Variants in SYN3 observed in about 807,000 individuals in gnomAD.
SYN3 encodes synapsin III.
SYN3 carries 35 observed loss-of-function variants against 65.8 expected under a neutral mutation model. The observed-to-expected ratio is 0.53, with a 90% CI of 0.41 to 0.70. The LOEUF is 0.70. Among genes scored for constraint, SYN3 ranks in the 30% least tolerant of loss-of-function variants. The probability of loss-of-function intolerance (pLI) is 0.00; values close to 1 mark genes in which losing one functional copy is unlikely to be tolerated. For missense variants in SYN3, 680 were observed against 749.0 expected (o/e 0.91, Z 1.08); for synonymous variants, 270 against 292.9 (o/e 0.92, Z 0.80).
chr22:32,623,878 T>C (rs1158283267), intron 6 of SYN3, among the ~76,000 whole-genome samples: 1 of 152,136 alleles, frequency 6.6e-6, no homozygotes, highest in Non-Finnish European at 1.5e-5. Context: ...CCTCCCACCA[T>C]AAAAGAGGGT....
At chr22:32,631,282 C>T (rs761085229) in intron 6 of SYN3, among the ~76,000 whole-genome samples, 7 of 143,080 alleles carry the variant, frequency 4.9e-5, no homozygotes, top group African/African-American at 1.8e-4. Flanking sequence ...GTGACAAGAG[C>T]GAAACTCCAT....
intron 7 of SYN3, among the ~76,000 whole-genome samples, chr22:32,551,239 G>A (rs1046754512): frequency 3.9e-5 from 6 of 151,948 alleles, no homozygotes; most frequent in Non-Finnish European, 7.4e-5. Flanking sequence ...GATAATGTGT[G>A]GATCAGGCAG....
At chr22:32,660,280 C>T (rs1044958194) in intron 6 of SYN3, among the ~76,000 whole-genome samples, 5 of 152,346 alleles carry the variant, frequency 3.3e-5, no homozygotes, top group African/African-American at 1.2e-4. Flanking sequence ...GCTCCTTTTG[C>T]TCATCACCTG....
At position 33,020,570 on chromosome 22, in the gene SYN3, C is replaced by G. The variant is rs182927674; in HGVS notation, c.-162-13746G>C. Among the ~76,000 whole-genome samples the G allele has an allele frequency of 3.2e-4, 48 of 152,298 alleles. No homozygotes were observed. In the East Asian group the frequency reaches 5.4e-3, roughly 17 times the overall value. ...CTTTTTGCTCAGTCTTTAAGATTCA[C>G]TGAGGTGACTCTATTGATGATACTT... On this transcript the variant is annotated intron_variant, in intron 1 of 13. Transcript: ENST00000358763.
intron 6 of SYN3, among the ~76,000 whole-genome samples, chr22:32,688,655 A>AT (rs1229202742): frequency 1.9e-3 from 282 of 148,310 alleles, no homozygotes; most frequent in African/African-American, 5.3e-3. Flanking sequence ...TTTCAAAGAG[A>AT]TTTTTTTTTT....
intron 1 of SYN3, among the ~76,000 whole-genome samples, chr22:33,039,698 G>A (rs1016134809): frequency 6.6e-5 from 10 of 151,856 alleles, no homozygotes; most frequent in African/African-American, 2.4e-4. Context: ...GAGCCACCGC[G>A]CCTGGCCTCA....
At chr22:32,859,459 T>G in intron 6 of SYN3, 1 of 1,482,918 alleles carries the variant, frequency 6.7e-7, no homozygotes, top group Non-Finnish European at 9.1e-7. Flanking sequence ...ATGATGACAA[T>G]GAAATTAGTG....
intron 6 of SYN3, among the ~76,000 whole-genome samples, chr22:32,676,199 G>A (rs2060438883): frequency 6.6e-6 from 1 of 152,222 alleles, no homozygotes; most frequent in African/African-American, 2.4e-5. Context: ...TTCACAGTGT[G>A]TCCACTTGCA....
chr22:32,909,462 T>G (rs111418507), intron 4 of SYN3, among the ~76,000 whole-genome samples: 1 of 152,140 alleles, frequency 6.6e-6, no homozygotes, highest in African/African-American at 2.4e-5. Flanking sequence ...AATTCTTTAT[T>G]ACGATGATGG....
At chr22:32,576,748 A>G (rs2058856975) in intron 7 of SYN3, among the ~76,000 whole-genome samples, 1 of 151,502 alleles carries the variant, frequency 6.6e-6, no homozygotes, top group African/African-American at 2.4e-5. Flanking sequence ...ACAAACCCTT[A>G]TCATCTCTTC....
intron 2 of SYN3, among the ~76,000 whole-genome samples, chr22:32,983,287 T>C (rs1384871409): frequency 6.6e-6 from 1 of 152,230 alleles, no homozygotes; most frequent in Non-Finnish European, 1.5e-5. Context: ...ACATGATTTA[T>C]TTCTAATGGA....
At chr22:32,802,783 C>T (rs187741509) in intron 6 of SYN3, among the ~76,000 whole-genome samples, 1 of 152,140 alleles carries the variant, frequency 6.6e-6, no homozygotes, top group African/African-American at 2.4e-5. Flanking sequence ...GCAGAAGGTG[C>T]GAGGGGTCAC....
chr22:32,792,727 C>T (rs2046349426), intron 6 of SYN3, among the ~76,000 whole-genome samples: 1 of 152,212 alleles, frequency 6.6e-6, no homozygotes, highest in Non-Finnish European at 1.5e-5. Flanking sequence ...AGCTCTCTCC[C>T]TGGTCGTCAG....
Position 33,011,913 on chromosome 22 carries a change from T to C in SYN3, c.-162-5089A>G, listed in dbSNP as rs59471311. 7.4e-3 allele frequency among the ~76,000 whole-genome samples: 1,129 copies of C among 152,322 alleles called. 18 individuals are homozygous for C. The highest frequency in any genetic ancestry group is 0.026 in the African/African-American group (1,083 of 41,576). Reference sequence around the variant, plus strand: ...TGATTCCTCCTGATATTCCTGATATTGGTAATTTGCTTTTTCTCTCTTTTT... The same window carrying C: ...TGATTCCTCCTGATATTCCTGATATCGGTAATTTGCTTTTTCTCTCTTTTT... On this transcript the variant is annotated intron_variant, in intron 1 of 13. Coordinates refer to ENST00000358763, the MANE Select transcript of SYN3 (RefSeq NM_003490.4).
At chr22:32,700,258 A>T in intron 6 of SYN3, among the ~76,000 whole-genome samples, 1 of 152,198 alleles carries the variant, frequency 6.6e-6, no homozygotes, top group Non-Finnish European at 1.5e-5. Flanking sequence ...ACAGGCTTAA[A>T]GTATCCCTTG....
intron 6 of SYN3, among the ~76,000 whole-genome samples, chr22:32,775,311 C>T (rs1269256784): frequency 6.6e-6 from 1 of 152,084 alleles, no homozygotes; most frequent in African/African-American, 2.4e-5. Context: ...CCTTACAGGC[C>T]CTATCACTAA....
At chr22:32,755,965 A>G (rs1195358666) in intron 6 of SYN3, among the ~76,000 whole-genome samples, 1 of 151,540 alleles carries the variant, frequency 6.6e-6, no homozygotes, top group Non-Finnish European at 1.5e-5. Context: ...GCAAACTAAC[A>G]CAGGAACAGA....
In SYN3 at chr22:32,898,017, CAG is replaced by C. The variant is rs2049645931; in HGVS notation, c.462-28894_462-28893del. On this transcript the variant is annotated intron_variant, in intron 4 of 13. Transcript: ENST00000358763. ...TTTGTTTGTTTGTTTGTTTTTGAGACAGAGTTTCGCTCTTGTTGCCCAGGCTG... is the reference window on the plus strand; with the variant it reads ...TTTGTTTGTTTGTTTGTTTTTGAGACAGTTTCGCTCTTGTTGCCCAGGCTG... Among the ~76,000 whole-genome samples the C allele has an allele frequency of 2.0e-5, 3 of 151,844 alleles. No homozygotes were observed. In the South Asian group the frequency reaches 6.3e-4, roughly 32 times the overall value.
At chr22:32,644,579 G>A (rs571503988) in intron 6 of SYN3, among the ~76,000 whole-genome samples, 6 of 152,300 alleles carry the variant, frequency 3.9e-5, no homozygotes, top group South Asian at 2.1e-4. Flanking sequence ...ATGGACTGAC[G>A]CTCGCACATG....
Sources: gnomAD v4.1 joint callset for allele counts (sites outside exome capture counted in the v4.1 genomes callset) on GRCh38, gnomAD v4.1.1 for gene constraint, MANE v1.5 for transcripts, NCBI Gene and HGNC (gene_info 2026-07-23, HGNC 2026-07-21) for gene names.